Variants in DNAJB6 observed in about 807,000 individuals in gnomAD.
DNAJB6 encodes DnaJ heat shock protein family (Hsp40) member B6, also known as dnaJ homolog subfamily B member 6.
A neutral mutation model predicts 42.7 loss-of-function variants in DNAJB6; 16 were observed. That is an observed-to-expected ratio of 0.37 (90% CI 0.25 to 0.57). The LOEUF (loss-of-function observed/expected upper bound fraction) is 0.57. Ranked by LOEUF, DNAJB6 falls within the 20% of genes least tolerant of loss-of-function variation. The pLI, the probability that DNAJB6 is intolerant of heterozygous loss-of-function variation, is 0.74. For missense variants in DNAJB6, 347 were observed against 416.8 expected (o/e 0.83, Z 1.46); for synonymous variants, 170 against 163.5 (o/e 1.04, Z -0.30).
intron 1 of DNAJB6, among the ~76,000 whole-genome samples, chr7:157,340,997 T>TGTGTGTGCGC (rs902019051): frequency 2.6e-3 from 309 of 118,384 alleles, no homozygotes; most frequent in African/African-American, 7.6e-3. Context: ...TGTGTGTGTG[T>TGTGTGTGCGC]GCGCGCGCGC....
intron 5 of DNAJB6, among the ~76,000 whole-genome samples, chr7:157,375,012 T>C (rs1037070925): frequency 2.6e-5 from 4 of 152,192 alleles, no homozygotes; most frequent in Non-Finnish European, 5.9e-5. Context: ...CTCCAGAGAT[T>C]GAGATAGTTG....
intron 1 of DNAJB6, among the ~76,000 whole-genome samples, chr7:157,348,255 G>T (rs1425952252): frequency 1.3e-5 from 2 of 151,344 alleles, no homozygotes; most frequent in African/African-American, 2.4e-5. Flanking sequence ...ACCTTGCCCA[G>T]CTAATTTTTT....
intron 5 of DNAJB6, chr7:157,379,026 AATTAT>A (rs199846093): frequency 6.6e-6 from 1 of 152,068 alleles, no homozygotes; most frequent in Non-Finnish European, 1.5e-5. Context: ...AATTGTGAAA[AATTAT>A]ATTTAAGCTA....
intron 8 of DNAJB6, among the ~76,000 whole-genome samples, chr7:157,402,036 C>T (rs934855375): frequency 6.6e-6 from 1 of 152,244 alleles, no homozygotes; most frequent in African/African-American, 2.4e-5. Flanking sequence ...AGCGTGTCTG[C>T]TCTCTGTGGC....
intron 6 of DNAJB6, among the ~76,000 whole-genome samples, chr7:157,383,867 T>C (rs191776572): frequency 6.6e-6 from 1 of 152,356 alleles, no homozygotes; most frequent in East Asian, 1.9e-4. Flanking sequence ...GCAAATGATT[T>C]TGATTTTTTG....
chr7:157,408,186 G>T (rs1223376330), intron 8 of DNAJB6, among the ~76,000 whole-genome samples: 1 of 152,156 alleles, frequency 6.6e-6, no homozygotes, highest in African/African-American at 2.4e-5. Context: ...TCTCAGCAGG[G>T]GTCCTGGGGT....
At chr7:157,376,739 G>A (rs1242728339) in intron 5 of DNAJB6, among the ~76,000 whole-genome samples, 1 of 152,096 alleles carries the variant, frequency 6.6e-6, no homozygotes, top group East Asian at 1.9e-4. Flanking sequence ...AAATTAGCCA[G>A]GCGGGGTGGC....
At chr7:157,378,543 A>G (rs1357955020) in intron 5 of DNAJB6, 2 of 152,218 alleles carry the variant, frequency 1.3e-5, no homozygotes, top group South Asian at 2.1e-4. Flanking sequence ...TGCGCTGTAT[A>G]GTTGTGATGC....
chr7:157,405,352 G>A (rs1795726799), intron 8 of DNAJB6, among the ~76,000 whole-genome samples: 3 of 152,220 alleles, frequency 2.0e-5, no homozygotes, highest in Admixed American at 2.0e-4. Flanking sequence ...CTTCCAGGCT[G>A]TGCGTGAGGC....
chr7:157,392,133 A>T (rs953893073), intron 8 of DNAJB6, among the ~76,000 whole-genome samples: 6 of 149,838 alleles, frequency 4.0e-5, no homozygotes, highest in African/African-American at 1.5e-4. Flanking sequence ...GTCATAAATG[A>T]TTTCTTAGAA....
At chr7:157,412,674 G>C (rs761288440) in intron 9 of DNAJB6, 1 of 152,208 alleles carries the variant, frequency 6.6e-6, no homozygotes, top group South Asian at 2.1e-4. Flanking sequence ...CCTGGTCAAG[G>C]TTCCTGTAAA....
intron 8 of DNAJB6, among the ~76,000 whole-genome samples, chr7:157,404,902 G>C (rs561699283): frequency 1.3e-5 from 2 of 152,192 alleles, no homozygotes; most frequent in Non-Finnish European, 2.9e-5. Context: ...GCCTCCCAAA[G>C]TGCTGGGATG....
intron 2 of DNAJB6, among the ~76,000 whole-genome samples, chr7:157,360,636 C>G (rs1799536263): frequency 6.6e-6 from 1 of 152,164 alleles, no homozygotes; most frequent in Admixed American, 6.5e-5. Context: ...TCCTGCACTC[C>G]TGAGTGTACA....
At chr7:157,374,448 A>G (rs766681256) in intron 5 of DNAJB6, among the ~76,000 whole-genome samples, 1 of 152,022 alleles carries the variant, frequency 6.6e-6, no homozygotes, top group Middle Eastern at 3.2e-3. Context: ...TATGAGAGAC[A>G]GGGTTTCTTC....
At chr7:157,403,209 A>G (rs1295756591) in intron 8 of DNAJB6, among the ~76,000 whole-genome samples, 1 of 152,132 alleles carries the variant, frequency 6.6e-6, no homozygotes, top group Non-Finnish European at 1.5e-5. Flanking sequence ...CAATCCACAT[A>G]TGAGAGGGGG....
At chr7:157,356,154 T>A (rs1799264765) in intron 1 of DNAJB6, among the ~76,000 whole-genome samples, 1 of 152,246 alleles carries the variant, frequency 6.6e-6, no homozygotes, top group African/African-American at 2.4e-5. Flanking sequence ...GTACTGAGAT[T>A]TCTGCTCTTG....
At chr7:157,383,607 G>GTGTT (rs1401959730) in intron 6 of DNAJB6, among the ~76,000 whole-genome samples, 2 of 78,378 alleles carry the variant, frequency 2.6e-5, no homozygotes, top group Non-Finnish European at 2.7e-5. Context: ...TCCTGTATGT[G>GTGTT]TGTTTGTGTG....
chr7:157,344,692 A>G (rs1798595747), intron 1 of DNAJB6, among the ~76,000 whole-genome samples: 1 of 152,132 alleles, frequency 6.6e-6, no homozygotes. Flanking sequence ...ACGTCTCACT[A>G]GCATCGACTG....
chr7:157,375,579 T>G (rs1398424416), intron 5 of DNAJB6, among the ~76,000 whole-genome samples: 1 of 152,230 alleles, frequency 6.6e-6, no homozygotes, highest in Non-Finnish European at 1.5e-5. Flanking sequence ...CAGGCACTAT[T>G]CTAGGTGCTG....
Sources: allele counts gnomAD v4.1 joint callset (sites outside exome capture counted in the v4.1 genomes callset), GRCh38; gene constraint gnomAD v4.1.1; transcripts MANE v1.5; gene names NCBI Gene and HGNC (gene_info 2026-07-23, HGNC 2026-07-21).